The following FBXL5 variants were observed in gnomAD, a reference collection of about 807,000 sequenced individuals.
The protein encoded by FBXL5 is F-box and leucine rich repeat protein 5.
Under a neutral mutation model 78.3 loss-of-function variants are expected in FBXL5, and 26 were observed. That is an observed-to-expected ratio of 0.33 (90% CI 0.24 to 0.46). The LOEUF (loss-of-function observed/expected upper bound fraction) is 0.46. Among genes scored for constraint, FBXL5 ranks in the 20% least tolerant of loss-of-function variants. FBXL5 has a pLI of 1.00. For synonymous variants in FBXL5, 295 were observed against 282.5 expected (o/e 1.04, Z -0.45); for missense variants, 710 against 829.2 (o/e 0.86, Z 1.77).
At chr4:15,680,729 C>T (rs947687555) in intron 1 of FBXL5, among the ~76,000 whole-genome samples, 1 of 151,724 alleles carries the variant, frequency 6.6e-6, no homozygotes, top group Non-Finnish European at 1.5e-5. Flanking sequence ...AAAAATTTGA[C>T]TGTGTAATCC....
chr4:15,653,084 T>C (rs1716324722), intron 1 of FBXL5, among the ~76,000 whole-genome samples: 1 of 152,032 alleles, frequency 6.6e-6, no homozygotes, highest in African/African-American at 2.4e-5. Flanking sequence ...CAAGAAGAAA[T>C]CCAGATGTAA....
chr4:15,655,146 A>C, intron 1 of FBXL5, 58 bp downstream of exon 1: 4 of 1,298,638 alleles, frequency 3.1e-6, no homozygotes, highest in South Asian at 3.3e-5. Flanking sequence ...CCAAGAACCC[A>C]GCCCGCTCCC....
At chr4:15,634,313 C>T (rs1714002069) in intron 5 of FBXL5, among the ~76,000 whole-genome samples, 1 of 152,136 alleles carries the variant, frequency 6.6e-6, no homozygotes, top group Non-Finnish European at 1.5e-5. Flanking sequence ...CTCAGCCTCT[C>T]AAGTAACTGG....
chr4:15,632,393 G>A (rs556391269), intron 5 of FBXL5, among the ~76,000 whole-genome samples: 25 of 152,256 alleles, frequency 1.6e-4, no homozygotes, highest in South Asian at 2.1e-4. Flanking sequence ...TCTTGGCAAC[G>A]CGGGCTCTTT....
At chr4:15,634,636 G>A (rs1236251280) in intron 5 of FBXL5, among the ~76,000 whole-genome samples, 1 of 151,866 alleles carries the variant, frequency 6.6e-6, no homozygotes, top group Non-Finnish European at 1.5e-5. Context: ...CAAACTGCTG[G>A]GATTACAGGT....
At chr4:15,671,427 T>C (rs552318912) in intron 1 of FBXL5, among the ~76,000 whole-genome samples, 2 of 152,130 alleles carry the variant, frequency 1.3e-5, no homozygotes, top group Admixed American at 6.5e-5. Context: ...AATTTGATTA[T>C]GGTGTACTCT....
intron 1 of FBXL5, among the ~76,000 whole-genome samples, chr4:15,671,212 C>T (rs553222549): frequency 6.6e-6 from 1 of 152,020 alleles, no homozygotes; most frequent in Admixed American, 6.6e-5. Context: ...GCGTGAGTCA[C>T]TGCACCTGGC....
At chr4:15,650,913 AGC>A (rs1715947859) in intron 1 of FBXL5, among the ~76,000 whole-genome samples, 1 of 152,092 alleles carries the variant, frequency 6.6e-6, no homozygotes, top group African/African-American at 2.4e-5. Flanking sequence ...TACAGGCATG[AGC>A]CACTGCACCC....
At chr4:15,647,505 G>A (rs1010638040) in intron 1 of FBXL5, among the ~76,000 whole-genome samples, 9 of 152,124 alleles carry the variant, frequency 5.9e-5, no homozygotes, top group African/African-American at 2.2e-4. Flanking sequence ...AGACTGTAAT[G>A]CCCTAACATG....
intron 1 of FBXL5, among the ~76,000 whole-genome samples, chr4:15,652,158 A>G (rs1361880473): frequency 6.6e-6 from 1 of 152,210 alleles, no homozygotes; most frequent in East Asian, 1.9e-4. Flanking sequence ...AAGACTGAGA[A>G]ATTGAAGTAA....
intron 10 of FBXL5, among the ~76,000 whole-genome samples, chr4:15,609,431 C>T (rs1295408546): frequency 6.6e-6 from 1 of 151,924 alleles, no homozygotes; most frequent in African/African-American, 2.4e-5. Context: ...AAGTATATTA[C>T]TTATGCTGTA....
upstream of FBXL5, among the ~76,000 whole-genome samples, chr4:15,664,395 T>C (rs1034225717): frequency 6.6e-6 from 1 of 152,070 alleles, no homozygotes; most frequent in Admixed American, 6.6e-5. Flanking sequence ...AGTTAAATCA[T>C]ATTGGCACAC....
intron 10 of FBXL5, among the ~76,000 whole-genome samples, chr4:15,608,057 C>A (rs1405349422): frequency 6.6e-6 from 1 of 152,084 alleles, no homozygotes. Context: ...TATTTGAGGA[C>A]TTCCTGTATG....
chr4:15,630,037 G>A (rs982345140), intron 6 of FBXL5, among the ~76,000 whole-genome samples: 2 of 151,998 alleles, frequency 1.3e-5, no homozygotes, highest in Admixed American at 6.6e-5. Context: ...AAGTATGACA[G>A]CATTTTTCCA....
At position 15,605,676 on chromosome 4, in the gene FBXL5, A is replaced by C. The variant is rs1425601478; in HGVS notation, c.*47T>G. 6.5e-6 allele frequency: 10 copies of C among 1,537,748 alleles called. No homozygotes were observed. Among genetic ancestry groups the C allele is most frequent in the East Asian group, 4.5e-5 (2 of 44,488 alleles). ...GTGCTATGAGTAAAGTGCATGAAAG[A>C]AAGCCTGCTCAGCTAAATGAAGTAG... On this transcript the variant is annotated 3_prime_UTR_variant, in exon 11 of 11. Coordinates refer to ENST00000341285, the MANE Select transcript of FBXL5 (RefSeq NM_012161.4).
chr4:15,641,435 T>G (rs550873638), intron 2 of FBXL5: 7 of 362,830 alleles, frequency 1.9e-5, no homozygotes, highest in Non-Finnish European at 3.2e-5. Flanking sequence ...ATAAAGACAT[T>G]TATGATGATC....
intron 9 of FBXL5, among the ~76,000 whole-genome samples, chr4:15,614,881 G>A (rs13135557): frequency 0.015 from 2,249 of 152,258 alleles, 31 homozygotes; most frequent in Non-Finnish European, 0.023. Flanking sequence ...CAAGGCTAGA[G>A]CCCACTCCCT....
chr4:15,655,997 C>T (rs1404597223), upstream of FBXL5, among the ~76,000 whole-genome samples: 1 of 152,208 alleles, frequency 6.6e-6, no homozygotes, highest in African/African-American at 2.4e-5. Flanking sequence ...GGGCAGAGAC[C>T]GCGAGAGAGA....
intron 6 of FBXL5, among the ~76,000 whole-genome samples, chr4:15,629,430 C>T (rs1276904797): frequency 2.0e-5 from 3 of 152,118 alleles, no homozygotes; most frequent in Non-Finnish European, 4.4e-5. Flanking sequence ...TAACTAATCG[C>T]TCAATTTAAA....
Sources: allele counts gnomAD v4.1 joint callset (sites outside exome capture counted in the v4.1 genomes callset), GRCh38; gene constraint gnomAD v4.1.1; transcripts MANE v1.5; gene names NCBI Gene and HGNC (gene_info 2026-07-23, HGNC 2026-07-21).